Variants in IMMP1L observed in about 807,000 individuals in gnomAD.
The protein encoded by IMMP1L is inner mitochondrial membrane peptidase subunit 1.
IMMP1L carries 24 observed loss-of-function variants against 21.8 expected under a neutral mutation model. The observed-to-expected ratio is 1.10, with a 90% CI of 0.80 to 1.55. The LOEUF (loss-of-function observed/expected upper bound fraction) is 1.55, where lower values mean the gene tolerates loss of function less well. IMMP1L is among the 40% of genes most tolerant of loss of function. The pLI is 0.00. For missense variants in IMMP1L, 195 were observed against 200.7 expected (o/e 0.97, Z 0.17); for synonymous variants, 46 against 62.8 (o/e 0.73, Z 1.26).
At chr11:31,488,393 C>T (rs1028948644) in intron 1 of IMMP1L, among the ~76,000 whole-genome samples, 15 of 152,040 alleles carry the variant, frequency 9.9e-5, no homozygotes, top group East Asian at 5.8e-4. Flanking sequence ...AATTTTATGA[C>T]GCTTTGGAAA....
At chr11:31,487,800 C>A (rs1258133058) in intron 1 of IMMP1L, among the ~76,000 whole-genome samples, 1 of 152,204 alleles carries the variant, frequency 6.6e-6, no homozygotes, top group Middle Eastern at 3.4e-3. Context: ...TACAGTTATT[C>A]CAACTTTTAG....
chr11:31,507,959 A>G (rs1169297834), intron 1 of IMMP1L, among the ~76,000 whole-genome samples: 1 of 152,182 alleles, frequency 6.6e-6, no homozygotes, highest in Non-Finnish European at 1.5e-5. Flanking sequence ...CTGTCAAAAA[A>G]TAATAATTAT....
chr11:31,434,354 G>A (rs974747375), intron 4 of IMMP1L, among the ~76,000 whole-genome samples: 7 of 152,064 alleles, frequency 4.6e-5, no homozygotes, highest in Non-Finnish European at 8.8e-5. Context: ...CCTGCAATAT[G>A]AGACATTTGC....
intron 4 of IMMP1L, among the ~76,000 whole-genome samples, chr11:31,450,909 A>G (rs2133604339): frequency 6.6e-6 from 1 of 152,328 alleles, no homozygotes; most frequent in African/African-American, 2.4e-5. Context: ...TATGAAATCA[A>G]CTGCGATTAA....
intron 1 of IMMP1L, among the ~76,000 whole-genome samples, chr11:31,470,277 G>A (rs1954497648): frequency 6.6e-6 from 1 of 152,212 alleles, no homozygotes; most frequent in African/African-American, 2.4e-5. Context: ...GCCAGGTGTG[G>A]CAGCGCATGC....
intron 1 of IMMP1L, among the ~76,000 whole-genome samples, chr11:31,464,146 C>G (rs1954252735): frequency 6.6e-6 from 1 of 151,698 alleles, no homozygotes; most frequent in African/African-American, 2.4e-5. Context: ...TAATATGTAA[C>G]ATCTGCTTAA....
chr11:31,472,008 C>CTT (rs1954569161), intron 1 of IMMP1L, among the ~76,000 whole-genome samples: 2 of 152,226 alleles, frequency 1.3e-5, no homozygotes, highest in Admixed American at 1.3e-4. Flanking sequence ...ATCTCAAAGC[C>CTT]TTTAATCTCC....
intron 4 of IMMP1L, among the ~76,000 whole-genome samples, chr11:31,439,016 T>C (rs531206060): frequency 6.7e-6 from 1 of 149,372 alleles, no homozygotes; most frequent in Non-Finnish European, 1.5e-5. Flanking sequence ...TTGCTGTTTT[T>C]TATAATAGAT....
intron 1 of IMMP1L, among the ~76,000 whole-genome samples, chr11:31,479,135 T>C (rs1039313996): frequency 1.3e-5 from 2 of 151,978 alleles, no homozygotes; most frequent in Non-Finnish European, 2.9e-5. Context: ...GTAAGTTTTA[T>C]ATAAAAAAAA....
chr11:31,445,161 G>A (rs756351726), intron 4 of IMMP1L, among the ~76,000 whole-genome samples: 2 of 151,990 alleles, frequency 1.3e-5, no homozygotes, highest in Non-Finnish European at 2.9e-5. Flanking sequence ...TTCAACAAAG[G>A]GTATTTCAGA....
chr11:31,507,563 C>A (rs1485139882), intron 1 of IMMP1L, among the ~76,000 whole-genome samples: 1 of 152,084 alleles, frequency 6.6e-6, no homozygotes, highest in East Asian at 1.9e-4. Context: ...TGAAATAAGT[C>A]AGACACAGAA....
intron 1 of IMMP1L, among the ~76,000 whole-genome samples, chr11:31,472,145 T>C (rs1005725111): frequency 2.0e-5 from 3 of 152,188 alleles, no homozygotes; most frequent in African/African-American, 7.2e-5. Flanking sequence ...CTCAAAATCC[T>C]TAATTTAATC....
intron 1 of IMMP1L, among the ~76,000 whole-genome samples, chr11:31,464,245 G>A (rs536896474): frequency 6.6e-6 from 1 of 152,062 alleles, no homozygotes; most frequent in South Asian, 2.1e-4. Flanking sequence ...CCTAAGAGTA[G>A]TAAAGTAACT....
chr11:31,451,903 GAAGA>G (rs1445475552), intron 4 of IMMP1L, among the ~76,000 whole-genome samples: 1 of 152,094 alleles, frequency 6.6e-6, no homozygotes, highest in Non-Finnish European at 1.5e-5. Context: ...AGGAAATTCA[GAAGA>G]AAGATAGGAA....
In IMMP1L at chr11:31,463,221, T is replaced by C. The variant is rs756626046; in HGVS notation, c.56A>G (p.Tyr19Cys). The C allele has an allele frequency of 6.2e-7, 1 of 1,612,284 alleles. No individual in the cohort carries two copies. Among genetic ancestry groups the C allele is most frequent in the Non-Finnish European group, 8.5e-7 (1 of 1,178,890 alleles). Reference sequence around the variant, plus strand: ...AAAAGCACAATGAGCTATACAGCCATATTGAATAGTATAGCCAACAAGTCG... The same window carrying C: ...AAAAGCACAATGAGCTATACAGCCACATTGAATAGTATAGCCAACAAGTCG... ...TFRLVGYTIQ[Y>C]GCIAHCAFEY... Residue 19 changes from tyrosine to cysteine, a missense_variant, in exon 2 of 6, where the codon TAT (tyrosine) becomes TGT (cysteine). Tyr to Cys is a radical substitution (Grantham distance 194, BLOSUM62 -2). Transcript: ENST00000532287.
chr11:31,472,333 A>G (rs1300772758), intron 1 of IMMP1L, among the ~76,000 whole-genome samples: 1 of 152,196 alleles, frequency 6.6e-6, no homozygotes, highest in Non-Finnish European at 1.5e-5. Context: ...TCATCTTGAA[A>G]CTGATTTGGT....
chr11:31,494,119 C>T (rs898949106), intron 1 of IMMP1L, among the ~76,000 whole-genome samples: 1 of 152,218 alleles, frequency 6.6e-6, no homozygotes, highest in Non-Finnish European at 1.5e-5. Context: ...TGTGTGGGGG[C>T]TTCAACTCCA....
intron 1 of IMMP1L, among the ~76,000 whole-genome samples, chr11:31,499,079 C>T (rs1021752875): frequency 6.6e-6 from 1 of 151,936 alleles, no homozygotes; most frequent in African/African-American, 2.4e-5. Context: ...AAAAACTACA[C>T]GGAGGGCCGG....
At chr11:31,507,697 T>C (rs563031) in intron 1 of IMMP1L, among the ~76,000 whole-genome samples, 13,364 of 152,102 alleles carry the variant, frequency 0.088, 1,620 homozygotes, top group African/African-American at 0.27. Flanking sequence ...TGGTCAAAGA[T>C]ACATAATATC....
Sources: allele counts gnomAD v4.1 joint callset (sites outside exome capture counted in the v4.1 genomes callset), GRCh38; gene constraint gnomAD v4.1.1; transcripts MANE v1.5; gene names NCBI Gene and HGNC (gene_info 2026-07-23, HGNC 2026-07-21).